Variants in PRKN observed in about 807,000 individuals in gnomAD.
PRKN encodes E3 ubiquitin-protein ligase parkin.
A neutral mutation model predicts 59.5 loss-of-function variants in PRKN; 56 were observed. The ratio of observed to expected loss-of-function variants is 0.94; its 90% CI spans 0.76 to 1.18. The LOEUF is 1.18. Among genes scored for constraint, PRKN ranks in the 50% most tolerant of loss-of-function variants. The probability of loss-of-function intolerance (pLI) is 0.00; values close to 1 mark genes in which losing one functional copy is unlikely to be tolerated. For missense variants in PRKN, 657 were observed against 596.4 expected (o/e 1.10, Z -1.06); for synonymous variants, 250 against 222.1 (o/e 1.13, Z -1.12).
chr6:162,256,346 C>A (rs1408461026), intron 3 of PRKN, among the ~76,000 whole-genome samples: 1 of 151,958 alleles, frequency 6.6e-6, no homozygotes, highest in Non-Finnish European at 1.5e-5. Flanking sequence ...AAAATAACAC[C>A]TTCTATAAAA....
chr6:162,643,953 A>G (rs544383074), intron 1 of PRKN: 1 of 152,296 alleles, frequency 6.6e-6, no homozygotes, highest in African/African-American at 2.4e-5. Flanking sequence ...AAGTAAAACC[A>G]TATATAGAAA....
intron 7 of PRKN, among the ~76,000 whole-genome samples, chr6:161,745,964 G>A (rs1480424007): frequency 6.6e-6 from 1 of 152,194 alleles, no homozygotes; most frequent in African/African-American, 2.4e-5. Flanking sequence ...AGCTCTCTGT[G>A]GGGGCCTGTG....
At chr6:162,324,508 C>T (rs1783177534) in intron 2 of PRKN, among the ~76,000 whole-genome samples, 1 of 152,072 alleles carries the variant, frequency 6.6e-6, no homozygotes, top group Admixed American at 6.6e-5. Context: ...AAAGTAAATG[C>T]ATTAGAATAC....
chr6:162,031,441 T>G (rs1783634335), intron 5 of PRKN, among the ~76,000 whole-genome samples: 1 of 152,106 alleles, frequency 6.6e-6, no homozygotes, highest in South Asian at 2.1e-4. Flanking sequence ...AAGAGCAGCA[T>G]TTATAGTCAA....
At chr6:162,220,103 A>T (rs542515568) in intron 3 of PRKN, among the ~76,000 whole-genome samples, 1 of 152,124 alleles carries the variant, frequency 6.6e-6, no homozygotes, top group Non-Finnish European at 1.5e-5. Flanking sequence ...ATTAAAGACA[A>T]TCCATCTTGG....
intron 6 of PRKN, among the ~76,000 whole-genome samples, chr6:161,874,514 AAT>A (rs1165891756): frequency 4.7e-5 from 5 of 106,644 alleles, no homozygotes; most frequent in Non-Finnish European, 6.5e-5. Flanking sequence ...TTATATGTAA[AAT>A]ATATATTATA....
intron 7 of PRKN, among the ~76,000 whole-genome samples, chr6:161,628,435 C>T (rs977065679): frequency 3.9e-5 from 6 of 152,158 alleles, no homozygotes; most frequent in African/African-American, 1.4e-4. Flanking sequence ...TTTATAAGAA[C>T]ACTAATCCCA....
At chr6:162,310,550 A>T (rs1782452876) in intron 2 of PRKN, among the ~76,000 whole-genome samples, 1 of 151,560 alleles carries the variant, frequency 6.6e-6, no homozygotes, top group Non-Finnish European at 1.5e-5. Flanking sequence ...AGAAGTCTAA[A>T]GGAAGAAATT....
chr6:161,871,929 T>G lies in PRKN; in HGVS notation c.735-86021A>C, dbSNP rs577374488. Among the ~76,000 whole-genome samples the G allele has an allele frequency of 2.0e-5, 3 of 152,306 alleles. No homozygotes were observed. In the South Asian group the frequency reaches 6.2e-4, roughly 32 times the overall value. ...CTGACCGTCTTCTGTGTGCCAAACC[T>G]CAGTGGGGCACTTTAATAATCCTCT... is the stretch of plus-strand genomic sequence containing the variant. On this transcript the variant is annotated intron_variant, in intron 6 of 11. Transcript: ENST00000366898.
intron 2 of PRKN, among the ~76,000 whole-genome samples, chr6:162,319,528 T>A (rs1358693542): frequency 1.3e-5 from 2 of 152,026 alleles, no homozygotes; most frequent in African/African-American, 4.8e-5. Context: ...CAACAAATTA[T>A]TAACTCACTT....
intron 6 of PRKN, among the ~76,000 whole-genome samples, chr6:161,874,735 C>CAATATATAAAATATAT (rs1386947872): frequency 2.1e-5 from 1 of 47,728 alleles, no homozygotes; most frequent in Non-Finnish European, 3.8e-5. Context: ...ATAAAATGTA[C>CAATATATAAAATATAT]TATATATAAA....
At chr6:162,391,259 C>T (rs769435155) in intron 2 of PRKN, among the ~76,000 whole-genome samples, 4 of 151,438 alleles carry the variant, frequency 2.6e-5, no homozygotes, top group African/African-American at 4.9e-5. Context: ...GCATGCTTGA[C>T]GTGGATTTCG....
intron 1 of PRKN, among the ~76,000 whole-genome samples, chr6:162,695,884 G>A (rs2128235915): frequency 6.6e-6 from 1 of 152,288 alleles, no homozygotes; most frequent in South Asian, 2.1e-4. Context: ...TGGAGTCCGA[G>A]AAGCTAGAGT....
At chr6:162,025,246 G>A (rs1236383097) in intron 5 of PRKN, among the ~76,000 whole-genome samples, 14 of 151,790 alleles carry the variant, frequency 9.2e-5, no homozygotes, top group Admixed American at 8.5e-4. Context: ...CTTGTGATCC[G>A]ACCGCCTCGG....
At chr6:162,468,495 C>A (rs1260093279) in intron 1 of PRKN, among the ~76,000 whole-genome samples, 1 of 150,994 alleles carries the variant, frequency 6.6e-6, no homozygotes, top group Admixed American at 6.6e-5. Context: ...CTAAACTGTT[C>A]GGTAATCCCA....
intron 2 of PRKN, among the ~76,000 whole-genome samples, chr6:162,316,437 C>T (rs1782756219): frequency 6.6e-6 from 1 of 151,968 alleles, no homozygotes. Flanking sequence ...AGAAATAAGA[C>T]CAATTTAAGC....
At chr6:162,497,716 A>G (rs1190412466) in intron 1 of PRKN, among the ~76,000 whole-genome samples, 1 of 152,198 alleles carries the variant, frequency 6.6e-6, no homozygotes, top group Non-Finnish European at 1.5e-5. Flanking sequence ...CGAATGACAC[A>G]GTTTGAAAAA....
At chr6:161,864,180 A>G (rs1322204261) in intron 6 of PRKN, among the ~76,000 whole-genome samples, 1 of 152,116 alleles carries the variant, frequency 6.6e-6, no homozygotes, top group Admixed American at 6.6e-5. Context: ...ATTTGATTAT[A>G]TTTTACTCAC....
At chr6:161,781,143 A>G (rs1790188375) in intron 7 of PRKN, among the ~76,000 whole-genome samples, 1 of 152,236 alleles carries the variant, frequency 6.6e-6, no homozygotes, top group African/African-American at 2.4e-5. Context: ...GCTTCTGGTT[A>G]CTAGTTCATT....
Sources: gnomAD v4.1 joint callset for allele counts (sites outside exome capture counted in the v4.1 genomes callset) on GRCh38, gnomAD v4.1.1 for gene constraint, MANE v1.5 for transcripts, NCBI Gene and HGNC (gene_info 2026-07-23, HGNC 2026-07-21) for gene names.